The following SACM1L variants were observed in gnomAD, a reference collection of about 807,000 sequenced individuals.
SACM1L encodes phosphatidylinositol-3-phosphatase SAC1.
A neutral mutation model predicts 89.5 loss-of-function variants in SACM1L; 32 were observed. That is an observed-to-expected ratio of 0.36 (90% CI 0.27 to 0.48). The LOEUF is 0.48. Ranked by LOEUF, SACM1L falls within the 20% of genes least tolerant of loss-of-function variation. The pLI is 0.99. For missense variants in SACM1L, 543 were observed against 708.5 expected, an observed-to-expected ratio of 0.77 and a Z score of 2.65; for synonymous variants, 213 against 232.8, an observed-to-expected ratio of 0.92 and a Z score of 0.77.
At chr3:45,712,945 G>T (rs544526075) in intron 5 of SACM1L, among the ~76,000 whole-genome samples, 192 bp from the exon 6 acceptor site, 8 of 152,324 alleles carry the variant, frequency 5.3e-5, no homozygotes, top group African/African-American at 1.9e-4. Flanking sequence ...CCAGGTTTCT[G>T]TCTGGCCTGA....
At chr3:45,694,448 T>C (rs985361103) in intron 1 of SACM1L, among the ~76,000 whole-genome samples, 1 of 152,108 alleles carries the variant, frequency 6.6e-6, no homozygotes, top group Admixed American at 6.6e-5. Flanking sequence ...AGTCTCCCGG[T>C]GGAGGGAAGG....
chr3:45,720,439 AC>A (rs139265745), intron 8 of SACM1L, among the ~76,000 whole-genome samples: 9,069 of 151,836 alleles, frequency 0.06, 898 homozygotes, highest in African/African-American at 0.21. Context: ...CTTGGTTCTT[AC>A]CCCCTTCCCA....
chr3:45,718,021 A>T (rs1217572550), intron 7 of SACM1L, among the ~76,000 whole-genome samples: 3 of 152,248 alleles, frequency 2.0e-5, no homozygotes, highest in Non-Finnish European at 4.4e-5. Flanking sequence ...ATTTCCTAAT[A>T]AGATCAGATG....
At chr3:45,697,576 A>G (rs1414457570) in intron 1 of SACM1L, among the ~76,000 whole-genome samples, 1 of 151,962 alleles carries the variant, frequency 6.6e-6, no homozygotes, top group Non-Finnish European at 1.5e-5. Flanking sequence ...GTATCCAACC[A>G]CTTTTTCTTT....
intron 9 of SACM1L, 56 bp from the exon 10 acceptor site, chr3:45,722,813 G>C (rs1698817774): frequency 7.7e-7 from 1 of 1,301,128 alleles, no homozygotes. Flanking sequence ...CAATAAGTAA[G>C]GTGAGAAAAA....
chr3:45,689,458 T>C lies in SACM1L; in HGVS notation c.-8T>C. 2 of 1,570,168 alleles carry C rather than the reference T, an allele frequency of 1.3e-6. No individual in the cohort carries two copies. Among genetic ancestry groups the C allele is most frequent in the South Asian group, 2.3e-5 (2 of 85,632 alleles). On this transcript the variant is annotated 5_prime_UTR_variant, in exon 1 of 20. Transcript: ENST00000389061. ...GCGGAGAGAGAAGGAAGGAGGTGGT[T>C]GTGCAGGATGGCGACGGCGGCCTAC... is the stretch of plus-strand genomic sequence containing the variant.
intron 1 of SACM1L, among the ~76,000 whole-genome samples, chr3:45,695,211 C>T (rs1328653741): frequency 6.6e-6 from 1 of 151,942 alleles, no homozygotes; most frequent in Admixed American, 6.6e-5. Flanking sequence ...TGTTGTGCCT[C>T]TGTCTTTTCA....
At chr3:45,738,744 C>A in intron 17 of SACM1L, 37 bp from the exon 18 acceptor site, 1 of 1,535,764 alleles carries the variant, frequency 6.5e-7, no homozygotes, top group South Asian at 1.1e-5. Context: ...AATGTTATCT[C>A]ACACTGAGTT....
intron 5 of SACM1L, among the ~76,000 whole-genome samples, chr3:45,712,323 C>T (rs1380577670): frequency 6.6e-6 from 1 of 152,168 alleles, no homozygotes; most frequent in African/African-American, 2.4e-5. Flanking sequence ...TGGCTCATTG[C>T]AGCCTCCACC....
intron 1 of SACM1L, chr3:45,690,246 A>G (rs1343693861): frequency 6.6e-6 from 1 of 152,272 alleles, no homozygotes; most frequent in Non-Finnish European, 1.5e-5. Flanking sequence ...ATTAAAAACA[A>G]CATGTGTTTA....
rs202077945 is a variant in SACM1L at position 45,735,610 on chromosome 3, ATTG to A, written c.1239+242_1239+244del. Among the ~76,000 whole-genome samples, 667 of 151,988 alleles carry A rather than the reference ATTG, an allele frequency of 4.4e-3. 2 individuals carry two copies. The highest frequency in any genetic ancestry group is 8.0e-3 in the Non-Finnish European group (542 of 67,974). On this transcript the variant is annotated intron_variant, in intron 14 of 19. Coordinates refer to ENST00000389061, the MANE Select transcript of SACM1L (RefSeq NM_014016.5). ...TGTAATCACAGTTTCTGGTGGTTGT[ATTG>A]TTGTGCCGTAATTTACTAAGCCATT...
intron 14 of SACM1L, among the ~76,000 whole-genome samples, chr3:45,736,764 C>T (rs1401358848): frequency 1.3e-5 from 2 of 152,130 alleles, no homozygotes; most frequent in African/African-American, 2.4e-5. Flanking sequence ...GAAACCTAAC[C>T]AACCTGCAGA....
At chr3:45,728,252 T>C (rs1337804481) in intron 11 of SACM1L, among the ~76,000 whole-genome samples, 1 of 152,220 alleles carries the variant, frequency 6.6e-6, no homozygotes, top group Non-Finnish European at 1.5e-5. Flanking sequence ...AGTCTACTTA[T>C]TTTTACTGGA....
intron 13 of SACM1L, among the ~76,000 whole-genome samples, chr3:45,733,458 A>G (rs902081107): frequency 1.3e-5 from 2 of 152,154 alleles, no homozygotes; most frequent in South Asian, 2.1e-4. Context: ...CTAGGATTTT[A>G]TAAGTATTCA....
In SACM1L at chr3:45,737,593, T is replaced by G; in HGVS notation, c.1250T>G (p.Val417Gly). Residue 417 changes from valine to glycine, a missense_variant, in exon 15 of 20, where the codon GTT becomes GGT. This residue lies in a region of SACM1L where 370 missense variants were observed against 527.6 expected (regional missense o/e 0.70). Coordinates refer to ENST00000389061, the MANE Select transcript of SACM1L (RefSeq NM_014016.5). ...GGTTTTTTATTCCAGAGACTAGGAG[T>G]TTTGCATGTGGGACAAAAGCTTGAA... ...SLQAQLQRLG[V>G]LHVGQKLEEQ... 1 of 1,594,662 alleles carries G rather than the reference T, an allele frequency of 6.3e-7. No homozygotes were observed. The highest frequency in any genetic ancestry group is 1.2e-5 in the South Asian group (1 of 86,548).
Position 45,724,722 on chromosome 3 carries a change from C to T in SACM1L, c.921+1179C>T, listed in dbSNP as rs73058501. On this transcript the variant is annotated intron_variant, in intron 11 of 19. Coordinates refer to ENST00000389061, the MANE Select transcript of SACM1L (RefSeq NM_014016.5). ...TTGTCACCAAATCCAATAACATAAA[C>T]TTACCCCTATATTTTCTTTTTAGGA... Among the ~76,000 whole-genome samples the T allele has an allele frequency of 1.1e-3, 170 of 152,212 alleles. 1 individual carries two copies. Among genetic ancestry groups the T allele is most frequent in the Non-Finnish European group, 1.7e-3 (118 of 67,986 alleles).
intron 13 of SACM1L, among the ~76,000 whole-genome samples, chr3:45,734,301 T>C (rs1458423961): frequency 6.6e-6 from 1 of 151,332 alleles, no homozygotes; most frequent in African/African-American, 2.4e-5. Flanking sequence ...TAATCACAGC[T>C]ACTCAGGAGG....
chr3:45,715,609 A>G (rs986729307), intron 7 of SACM1L, among the ~76,000 whole-genome samples: 3 of 152,128 alleles, frequency 2.0e-5, no homozygotes, highest in Non-Finnish European at 4.4e-5. Flanking sequence ...CCCTGTCTCT[A>G]CTGAAAATAC....
intron 1 of SACM1L, chr3:45,690,220 T>G (rs912929363): frequency 2.0e-5 from 3 of 152,118 alleles, no homozygotes; most frequent in African/African-American, 4.8e-5. Flanking sequence ...TTTTTAAGGG[T>G]TTTGGTTTGT....
Sources: gnomAD v4.1 joint callset for allele counts (sites outside exome capture counted in the v4.1 genomes callset) on GRCh38, gnomAD v4.1.1 for gene constraint, gnomAD v4.1.1 regional missense constraint, MANE v1.5 for transcripts, NCBI Gene and HGNC (gene_info 2026-07-23, HGNC 2026-07-21) for gene names.